SLC4A4: variants seen among roughly 807,000 people sequenced by gnomAD.
The protein encoded by SLC4A4 is electrogenic sodium bicarbonate cotransporter 1.
SLC4A4 carries 27 observed loss-of-function variants against 111.5 expected under a neutral mutation model. That is an observed-to-expected ratio of 0.24 (90% CI 0.18 to 0.33). SLC4A4 has a LOEUF of 0.33. SLC4A4 is among the 10% of genes least tolerant of loss of function. SLC4A4 has a pLI of 1.00. For missense variants in SLC4A4, 909 were observed against 1,315.5 expected (o/e 0.69, Z 4.78); for synonymous variants, 443 against 463.4 (o/e 0.96, Z 0.57).
intron 24 of SLC4A4, among the ~76,000 whole-genome samples, chr4:71,565,325 T>A (rs1737370616): frequency 6.6e-6 from 1 of 151,806 alleles, no homozygotes; most frequent in East Asian, 2.0e-4. Flanking sequence ...TCTCCATACA[T>A]CTTCATGGGA....
At chr4:71,467,609 A>G (rs1727492491) in intron 13 of SLC4A4, among the ~76,000 whole-genome samples, 1 of 152,112 alleles carries the variant, frequency 6.6e-6, no homozygotes, top group South Asian at 2.1e-4. Context: ...CCAGAGTCCA[A>G]GTCTCTTCAG....
At chr4:71,462,910 A>G (rs982542711) in intron 12 of SLC4A4, among the ~76,000 whole-genome samples, 12 of 152,134 alleles carry the variant, frequency 7.9e-5, no homozygotes, top group African/African-American at 2.9e-4. Flanking sequence ...TCTATCTGGG[A>G]TTGTCTAACT....
chr4:71,169,932 C>T (rs1744888186), intron 2 of SLC4A4, among the ~76,000 whole-genome samples: 1 of 152,218 alleles, frequency 6.6e-6, no homozygotes. Flanking sequence ...GCCTCCTTCT[C>T]CAAACCTCAT....
intron 20 of SLC4A4, among the ~76,000 whole-genome samples, chr4:71,548,209 A>G (rs1312792443): frequency 1.3e-5 from 2 of 151,806 alleles, no homozygotes; most frequent in African/African-American, 4.8e-5. Flanking sequence ...CTTTGTTTCT[A>G]TTTTATTTGA....
Position 71,236,657 on chromosome 4 carries a change from T to C in SLC4A4, c.73+8T>C. The C allele has an allele frequency of 8.1e-6, 13 of 1,612,112 alleles. No individual in the cohort carries two copies. The highest frequency in any genetic ancestry group is 1.1e-5 in the Non-Finnish European group (13 of 1,178,250). On this transcript the variant is annotated splice_region_variant and intron_variant, in intron 2 of 25. Transcript: ENST00000264485. ...ATGAAGAAGAAGTAGAAGGTGAGCT[T>C]TATGGGTCTGGGAAAGTGTCTGTTG...
Position 71,251,550 on chromosome 4 carries a change from C to T in SLC4A4, c.74-3670C>T, listed in dbSNP as rs147799006. ...ATATTTAGAGTTTGTTGGGAACTTG[C>T]ACCATCTGTCAGAGAAAGGCATGCA... On this transcript the variant is annotated intron_variant, in intron 2 of 25. Transcript: ENST00000264485. Among the ~76,000 whole-genome samples the T allele has an allele frequency of 3.1e-3, 467 of 152,282 alleles. 1 individual carries two copies. The highest frequency in any genetic ancestry group is 0.014 in the South Asian group (67 of 4,814).
In SLC4A4 at chr4:71,085,964, G is replaced by A. The variant is rs1375093801; in HGVS notation, c.-64-6766G>A. 3.3e-5 allele frequency among the ~76,000 whole-genome samples: 5 copies of A among 151,976 alleles called. No individual in the cohort carries two copies. The East Asian group carries it at 9.6e-4, about 29-fold the overall frequency. ...AGAAAGTCTTTGGTAGCTTGATGGG[G>A]ATGGCATTGAATCTATAAATGACCT... On this transcript the variant is annotated intron_variant, in intron 1 of 26. Transcript: ENST00000649996.
intron 1 of SLC4A4, among the ~76,000 whole-genome samples, chr4:71,071,360 C>T (rs1476188807): frequency 6.6e-6 from 1 of 151,150 alleles, no homozygotes; most frequent in African/African-American, 2.4e-5. Flanking sequence ...AATCTAGATT[C>T]CTTGTTTTTA....
rs566311368 is a variant in SLC4A4 at position 71,235,968 on chromosome 4, C to T, written c.-1-608C>T. The T allele has an allele frequency of 5.5e-6, 5 of 904,460 alleles. No homozygotes were observed. In the South Asian group the frequency reaches 1.5e-4, roughly 28 times the overall value. The allele number at this position is 904,460 out of a possible 1,614,324, so 56.0% of individuals were successfully genotyped here. ...TGGATAATCCTCAGATGTCAGATTT[C>T]CGTAAGGCCAGCATGTGACTCAAAG... On this transcript the variant is annotated intron_variant, in intron 1 of 25. Coordinates refer to ENST00000264485, the MANE Select transcript of SLC4A4 (RefSeq NM_001098484.3).
At chr4:71,558,155 G>A (rs1202027000) in intron 22 of SLC4A4, among the ~76,000 whole-genome samples, 3 of 151,892 alleles carry the variant, frequency 2.0e-5, no homozygotes, top group Non-Finnish European at 4.4e-5. Flanking sequence ...CAGTAAAATG[G>A]GAGTTGCATT....
chr4:71,295,610 G>A (rs1252359331), intron 3 of SLC4A4, among the ~76,000 whole-genome samples: 2 of 151,956 alleles, frequency 1.3e-5, no homozygotes, highest in Non-Finnish European at 1.5e-5. Flanking sequence ...TGCAGCATCT[G>A]CTCAGTCCTC....
chr4:71,232,107 T>C (rs80233396), intron 1 of SLC4A4, among the ~76,000 whole-genome samples: 2 of 152,316 alleles, frequency 1.3e-5, no homozygotes, highest in East Asian at 1.9e-4. Flanking sequence ...ATATTTTCCA[T>C]TTGCCTCACT....
intron 3 of SLC4A4, among the ~76,000 whole-genome samples, chr4:71,275,479 A>G (rs1439653802): frequency 2.6e-5 from 4 of 152,092 alleles, no homozygotes; most frequent in Non-Finnish European, 5.9e-5. Flanking sequence ...TATTGGTGAC[A>G]GGGGGTGATG....
chr4:71,342,417 G>A (rs1394533406), intron 4 of SLC4A4, among the ~76,000 whole-genome samples: 1 of 152,132 alleles, frequency 6.6e-6, no homozygotes, highest in Non-Finnish European at 1.5e-5. Context: ...GTCTAGTCTT[G>A]GCTTTGCTGC....
At chr4:71,520,303 G>T (rs1258897011) in intron 16 of SLC4A4, among the ~76,000 whole-genome samples, 1 of 151,930 alleles carries the variant, frequency 6.6e-6, no homozygotes, top group Admixed American at 6.6e-5. Context: ...TTAAACATTT[G>T]TATGAGTTGT....
chr4:71,474,319 G>C lies in SLC4A4; in HGVS notation c.1903+1349G>C, dbSNP rs114072044. ...TCAAAGGGCTGGGACACAAATGTGGGGCACATTCATGCAATATCCACTGCG... is the reference window on the plus strand; with the variant it reads ...TCAAAGGGCTGGGACACAAATGTGGCGCACATTCATGCAATATCCACTGCG... On this transcript the variant is annotated intron_variant, in intron 14 of 25. Coordinates refer to ENST00000264485, the MANE Select transcript of SLC4A4 (RefSeq NM_001098484.3). Among the ~76,000 whole-genome samples the C allele has an allele frequency of 5.5e-3, 842 of 151,898 alleles. 7 individuals are homozygous for C. The highest frequency in any genetic ancestry group is 0.019 in the African/African-American group (804 of 41,474).
At chr4:71,309,999 G>C (rs981433068) in intron 3 of SLC4A4, among the ~76,000 whole-genome samples, 2 of 151,808 alleles carry the variant, frequency 1.3e-5, no homozygotes, top group East Asian at 3.9e-4. Flanking sequence ...ATGACCTGAT[G>C]GATCTGAGAA....
intron 3 of SLC4A4, among the ~76,000 whole-genome samples, chr4:71,282,296 ATT>A (rs762426176): frequency 2.1e-5 from 3 of 144,070 alleles, no homozygotes; most frequent in African/African-American, 5.0e-5. Context: ...CCTAAAGATG[ATT>A]TTTTTTTTTT....
chr4:71,414,616 G>T (rs551554249), intron 7 of SLC4A4, among the ~76,000 whole-genome samples: 2 of 152,144 alleles, frequency 1.3e-5, no homozygotes, highest in African/African-American at 2.4e-5. Context: ...CCCAACTGGG[G>T]TATGTGCAGA....
Sources: gnomAD v4.1 joint callset for allele counts (sites outside exome capture counted in the v4.1 genomes callset) on GRCh38, gnomAD v4.1.1 for gene constraint, MANE v1.5 for transcripts, NCBI Gene and HGNC (gene_info 2026-07-23, HGNC 2026-07-21) for gene names.